PPP2R2B: variants seen among roughly 807,000 people sequenced by gnomAD.
The protein encoded by PPP2R2B is serine/threonine-protein phosphatase 2A 55 kDa regulatory subunit B beta isoform.
A neutral mutation model predicts 46.0 loss-of-function variants in PPP2R2B; 5 were observed. That is an observed-to-expected ratio of 0.11 (90% CI 0.06 to 0.23). The LOEUF is 0.23. PPP2R2B is among the 10% of genes least tolerant of loss of function. The pLI is 1.00. For synonymous variants in PPP2R2B, 215 were observed against 206.7 expected, an observed-to-expected ratio of 1.04 and a Z score of -0.34; for missense variants, 367 against 575.0, an observed-to-expected ratio of 0.64 and a Z score of 3.70.
In PPP2R2B at chr5:146,809,116, C is replaced by A. The variant is rs139174438; in HGVS notation, c.70+68886G>T. 3.3e-5 allele frequency among the ~76,000 whole-genome samples: 5 copies of A among 152,120 alleles called. No homozygotes were observed. The East Asian group carries it at 9.7e-4, about 30-fold the overall frequency. On this transcript the variant is annotated intron_variant, in intron 2 of 9. Transcript: ENST00000394411. Reference sequence around the variant, plus strand: ...TATTGTATGGATCCAATGTCAGGGGCTTTGGGGGCAGCTTTCTCTAGTAGA... The same window carrying A: ...TATTGTATGGATCCAATGTCAGGGGATTTGGGGGCAGCTTTCTCTAGTAGA...
intron 2 of PPP2R2B, among the ~76,000 whole-genome samples, chr5:146,787,000 T>C (rs1025925794): frequency 2.6e-5 from 4 of 152,250 alleles, no homozygotes; most frequent in African/African-American, 4.8e-5. Context: ...ATCCCTATTT[T>C]ACAGATAAAA....
chr5:146,760,433 T>C (rs961692340), intron 2 of PPP2R2B, among the ~76,000 whole-genome samples: 6 of 152,128 alleles, frequency 3.9e-5, no homozygotes, highest in Admixed American at 3.3e-4. Flanking sequence ...GTGGCCACCA[T>C]GTGCTATTAT....
Position 146,812,860 on chromosome 5 carries a change from T to C in PPP2R2B, c.70+65142A>G, listed in dbSNP as rs531364961. On this transcript the variant is annotated intron_variant, in intron 2 of 9. Transcript: ENST00000394411. Reference sequence around the variant, plus strand: ...ACATTTCCATTATAAAACCATCAGATTGTGTGAGACTTACTCACTACCATG... The same window carrying C: ...ACATTTCCATTATAAAACCATCAGACTGTGTGAGACTTACTCACTACCATG... Among the ~76,000 whole-genome samples the C allele has an allele frequency of 9.4e-5, 11 of 117,332 alleles. No homozygotes were observed. The South Asian group carries it at 9.5e-4, about 10-fold the overall frequency. 77.0% of individuals were successfully genotyped at this position (117,332 alleles called of 152,430 possible).
chr5:146,755,400 A>G lies in PPP2R2B; in HGVS notation c.71-54258T>C, dbSNP rs73793259. Among the ~76,000 whole-genome samples the G allele has an allele frequency of 6.8e-3, 1,035 of 152,364 alleles. 13 individuals are homozygous for G. The highest frequency in any genetic ancestry group is 0.024 in the African/African-American group (992 of 41,592). On this transcript the variant is annotated intron_variant, in intron 2 of 9. Coordinates refer to ENST00000394411, the MANE Select transcript of PPP2R2B (RefSeq NM_181675.4). ...TAGCAAACTCATTTAATAATAAACA[A>G]GGTTATCAGCGGAGCTCTCCAACCT...
chr5:146,751,437 G>A (rs948210483), intron 2 of PPP2R2B: 5 of 152,174 alleles, frequency 3.3e-5, no homozygotes, highest in Non-Finnish European at 5.9e-5. Context: ...GACCTATGTG[G>A]TCTGGCCCCT....
chr5:146,862,623 G>A (rs1761069830), intron 2 of PPP2R2B, among the ~76,000 whole-genome samples: 1 of 152,154 alleles, frequency 6.6e-6, no homozygotes, highest in Non-Finnish European at 1.5e-5. Context: ...TGAGGACCCA[G>A]CACAAGCCAG....
chr5:146,971,862 A>C (rs968924752), intron 1 of PPP2R2B, among the ~76,000 whole-genome samples: 8 of 152,216 alleles, frequency 5.3e-5, no homozygotes, highest in African/African-American at 1.7e-4. Context: ...GATAGTATGG[A>C]AAATCCCTGT....
At chr5:146,802,047 T>C (rs1017503974) in intron 2 of PPP2R2B, among the ~76,000 whole-genome samples, 1 of 152,172 alleles carries the variant, frequency 6.6e-6, no homozygotes, top group East Asian at 1.9e-4. Flanking sequence ...AGATTCTTTA[T>C]GACTAACTGA....
In PPP2R2B at chr5:146,683,612, G is replaced by A. The variant is rs181073471; in HGVS notation, c.447+7516C>T. On this transcript the variant is annotated intron_variant, in intron 5 of 9. Transcript: ENST00000394411. ...TCCAACTGAAGTAGTTCCTTTGGCT[G>A]ACATGGAACTCAATTATCATCATGT... is the stretch of plus-strand genomic sequence containing the variant. Among the ~76,000 whole-genome samples, 45 of 152,246 alleles carry A rather than the reference G, an allele frequency of 3.0e-4. No individual in the cohort carries two copies. In the East Asian group the frequency reaches 5.8e-3, roughly 20 times the overall value.
chr5:146,721,794 C>T (rs752321754), intron 2 of PPP2R2B, among the ~76,000 whole-genome samples: 48 of 152,224 alleles, frequency 3.2e-4, no homozygotes, highest in Non-Finnish European at 6.0e-4. Context: ...CACTGAGCCA[C>T]GCATACCTCT....
In PPP2R2B at chr5:146,590,392, T is replaced by TG. The variant is rs1561746782; in HGVS notation, c.1053-167_1053-166insC. Among the ~76,000 whole-genome samples the TG allele has an allele frequency of 5.3e-4, 79 of 148,684 alleles. No individual in the cohort carries two copies. The South Asian group carries it at 0.014, about 27-fold the overall frequency. The stretch of plus-strand genomic sequence containing the variant: ...TGTGATTATTGGCTTTTTGTTTTTT[T>TG]TTTGTGTTTTTTTTTTTTTTTTTTG... On this transcript the variant is annotated intron_variant, in intron 9 of 9. Transcript: ENST00000394411.
intron 2 of PPP2R2B, among the ~76,000 whole-genome samples, chr5:147,074,151 A>G (rs1262445591): frequency 6.6e-6 from 1 of 152,188 alleles, no homozygotes; most frequent in Non-Finnish European, 1.5e-5. Context: ...TATACATTTT[A>G]ACACCATTCC....
chr5:146,620,868 G>C (rs550064836), intron 7 of PPP2R2B, among the ~76,000 whole-genome samples: 9 of 152,190 alleles, frequency 5.9e-5, no homozygotes, highest in East Asian at 1.9e-4. Flanking sequence ...AAGAGCTCTC[G>C]AGTGGCTATT....
chr5:146,973,393 C>T (rs1444433445), intron 1 of PPP2R2B, among the ~76,000 whole-genome samples: 1 of 152,182 alleles, frequency 6.6e-6, no homozygotes. Context: ...TATCTCCAAG[C>T]ACAATTTTCA....
At chr5:146,802,560 C>T (rs541417296) in intron 2 of PPP2R2B, among the ~76,000 whole-genome samples, 2 of 152,274 alleles carry the variant, frequency 1.3e-5, no homozygotes, top group East Asian at 1.9e-4. Context: ...CTTGGAATTT[C>T]AGTATCCCCA....
intron 2 of PPP2R2B, chr5:146,856,661 T>A: frequency 7.8e-6 from 8 of 1,021,730 alleles, no homozygotes; most frequent in Non-Finnish European, 1.2e-5. Flanking sequence ...CAGGTGCATT[T>A]ACATACTTTC....
At chr5:147,007,810 A>G (rs1490885121) in intron 1 of PPP2R2B, among the ~76,000 whole-genome samples, 5 of 152,186 alleles carry the variant, frequency 3.3e-5, no homozygotes, top group African/African-American at 1.2e-4. Flanking sequence ...CAGCAAGACC[A>G]TGAACCCACA....
chr5:147,068,830 C>A (rs191943502), intron 2 of PPP2R2B, among the ~76,000 whole-genome samples: 4 of 152,192 alleles, frequency 2.6e-5, no homozygotes, highest in Admixed American at 2.6e-4. Context: ...TATAGACCTG[C>A]CAACATAAAA....
intron 5 of PPP2R2B, among the ~76,000 whole-genome samples, chr5:146,662,083 T>C (rs1198866864): frequency 1.3e-5 from 2 of 152,192 alleles, no homozygotes; most frequent in African/African-American, 4.8e-5. Context: ...TAAATATCAC[T>C]GAATCTTTGA....
Sources: gnomAD v4.1 joint callset for allele counts (sites outside exome capture counted in the v4.1 genomes callset) on GRCh38, gnomAD v4.1.1 for gene constraint, MANE v1.5 for transcripts, NCBI Gene and HGNC (gene_info 2026-07-23, HGNC 2026-07-21) for gene names.